DCC: variants seen among roughly 807,000 people sequenced by gnomAD.
DCC encodes DCC netrin 1 receptor.
A neutral mutation model predicts 172.5 loss-of-function variants in DCC; 58 were observed. The ratio of observed to expected loss-of-function variants is 0.34; its 90% confidence interval spans 0.27 to 0.42. The LOEUF is 0.42. Ranked by LOEUF, DCC falls within the 10% of genes least tolerant of loss-of-function variation. DCC has a pLI of 1.00. For synonymous variants in DCC, 709 were observed against 644.5 expected (o/e 1.10, Z -1.52); for missense variants, 1,740 against 1,791.0 (o/e 0.97, Z 0.51).
At chr18:53,496,030 T>C (rs1398585409) in intron 26 of DCC, among the ~76,000 whole-genome samples, 2 of 152,138 alleles carry the variant, frequency 1.3e-5, no homozygotes, top group Non-Finnish European at 1.5e-5. Context: ...TGGGCACAGC[T>C]TCAGCAGACC....
chr18:52,635,044 G>T (rs1047412315), intron 1 of DCC, among the ~76,000 whole-genome samples: 1 of 152,148 alleles, frequency 6.6e-6, no homozygotes, highest in Admixed American at 6.5e-5. Flanking sequence ...CCCTACTGGA[G>T]ATTATATTAT....
At chr18:52,665,478 A>T (rs2035446167) in intron 1 of DCC, among the ~76,000 whole-genome samples, 1 of 152,228 alleles carries the variant, frequency 6.6e-6, no homozygotes, top group African/African-American at 2.4e-5. Context: ...ATTGTGCTGC[A>T]CTAGTTGCCT....
intron 5 of DCC, among the ~76,000 whole-genome samples, chr18:53,035,789 ATAAACCAGTCATTGTAGTGTAT>A (rs1418282313): frequency 1.3e-5 from 2 of 152,070 alleles, no homozygotes; most frequent in African/African-American, 2.4e-5. Flanking sequence ...ATTAGTTTAA[ATAAACCAGTCATTGTAGTGTAT>A]ATTTGATCCA....
intron 7 of DCC, among the ~76,000 whole-genome samples, chr18:53,101,603 G>GCTA (rs1209750301): frequency 6.6e-6 from 1 of 152,094 alleles, no homozygotes; most frequent in African/African-American, 2.4e-5. Flanking sequence ...TTCCCATAAG[G>GCTA]CTACTTAGCC....
At chr18:52,811,626 T>C (rs2038201808) in intron 2 of DCC, among the ~76,000 whole-genome samples, 1 of 152,148 alleles carries the variant, frequency 6.6e-6, no homozygotes, top group Non-Finnish European at 1.5e-5. Context: ...AAGTAAACAA[T>C]TTTAGTACTA....
At chr18:52,469,353 A>G (rs934756385) in intron 1 of DCC, among the ~76,000 whole-genome samples, 3 of 152,216 alleles carry the variant, frequency 2.0e-5, no homozygotes, top group African/African-American at 7.2e-5. Flanking sequence ...GATTACAGGC[A>G]TGAACCACTG....
chr18:53,485,428 C>T (rs578115910), intron 25 of DCC, among the ~76,000 whole-genome samples: 2 of 152,162 alleles, frequency 1.3e-5, no homozygotes, highest in South Asian at 4.1e-4. Flanking sequence ...TCACTTAGAT[C>T]TTCACTAAAG....
chr18:52,990,332 GGAGTTT>G (rs1283520071), intron 5 of DCC, among the ~76,000 whole-genome samples: 3 of 152,044 alleles, frequency 2.0e-5, no homozygotes, highest in African/African-American at 7.2e-5. Flanking sequence ...CCTGAGGTCA[GGAGTTT>G]GAGATCAGCC....
intron 2 of DCC, among the ~76,000 whole-genome samples, chr18:52,845,800 G>A (rs34923505): frequency 0.22 from 33,862 of 152,234 alleles, 4,595 homozygotes; most frequent in Admixed American, 0.31. Context: ...GGTTTAGAAA[G>A]CTCTGCTTCA....
At chr18:52,397,078 G>A (rs1986258446) in intron 1 of DCC, among the ~76,000 whole-genome samples, 2 of 151,968 alleles carry the variant, frequency 1.3e-5, no homozygotes, top group Non-Finnish European at 2.9e-5. Context: ...CTCAATGAAT[G>A]GGGATGATCA....
intron 1 of DCC, among the ~76,000 whole-genome samples, chr18:52,696,854 G>A (rs1037192318): frequency 3.3e-5 from 5 of 151,710 alleles, no homozygotes; most frequent in African/African-American, 1.2e-4. Flanking sequence ...TGGATCCACA[G>A]TTGTCAACAC....
At position 53,134,228 on chromosome 18, in the gene DCC, T is replaced by C. The variant is rs192585153; in HGVS notation, c.1262-23128T>C. On this transcript the variant is annotated intron_variant, in intron 7 of 28. Coordinates refer to ENST00000442544, the MANE Select transcript of DCC (RefSeq NM_005215.4). ...ACAAGGCAAAGGTATGTTAAATATC[T>C]TTCTGGAGAGTCAATCCTGATAAAG... Among the ~76,000 whole-genome samples, 858 of 152,328 alleles carry C rather than the reference T, an allele frequency of 5.6e-3. 6 individuals carry two copies. The highest frequency in any genetic ancestry group is 0.023 in the Admixed American group (352 of 15,298).
chr18:53,467,911 G>A lies in DCC; in HGVS notation c.3637G>A (p.Ala1213Thr). The part of the protein sequence containing the change: ...TSHSGQDTEE[A>T]GSSMSTLERS... The stretch of plus-strand genomic sequence containing the variant: ...TTTTTTAGGTCAAGACACTGAGGAA[G>A]CAGGGAGCTCTATGTCCACTCTGGA... Residue 1213 changes from alanine (A) to threonine (T), a missense_variant, in exon 25 of 29, where the codon GCA becomes ACA. Physicochemically the swap from Ala to Thr is moderately conservative, Grantham distance 58. Transcript: ENST00000442544. The A allele has an allele frequency of 6.2e-7, 1 of 1,603,378 alleles. No homozygotes were observed. Among genetic ancestry groups the A allele is most frequent in the Non-Finnish European group, 8.5e-7 (1 of 1,170,276 alleles).
chr18:52,373,646 GCTCT>G (rs141648623), intron 1 of DCC, among the ~76,000 whole-genome samples: 53 of 150,230 alleles, frequency 3.5e-4, no homozygotes, highest in African/African-American at 1.1e-3. Flanking sequence ...GAAGGTTAGA[GCTCT>G]CTCTCTCTCT....
At chr18:52,519,124 C>G (rs895082580) in intron 1 of DCC, among the ~76,000 whole-genome samples, 2 of 152,208 alleles carry the variant, frequency 1.3e-5, no homozygotes, top group African/African-American at 4.8e-5. Flanking sequence ...TATTTATTAG[C>G]TCTGCATGCC....
At chr18:53,420,272 G>A (rs1368784164) in intron 21 of DCC, among the ~76,000 whole-genome samples, 1 of 152,162 alleles carries the variant, frequency 6.6e-6, no homozygotes, top group Non-Finnish European at 1.5e-5. Flanking sequence ...TTTGTTTGCT[G>A]TTATTTGTCC....
rs764742781 is a variant in DCC, at chr18:52,645,070, TC to T, written c.92-106980del. ...CATTTGTTTTTGTAAGAAGCGGATT[TC>T]CCCATTGATTTTGCATTTACATTGA... On this transcript the variant is annotated intron_variant, in intron 1 of 28. Transcript: ENST00000442544. Among the ~76,000 whole-genome samples the T allele has an allele frequency of 5.8e-4, 89 of 152,166 alleles. 1 individual carries two copies. The highest frequency in any genetic ancestry group is 8.8e-4 in the Non-Finnish European group (60 of 68,026).
chr18:53,382,068 C>T (rs1907789299), intron 15 of DCC, among the ~76,000 whole-genome samples: 1 of 64,906 alleles, frequency 1.5e-5, no homozygotes, highest in Non-Finnish European at 3.1e-5. Flanking sequence ...TGATTAAAAA[C>T]AACACACACA....
chr18:52,671,041 A>T (rs2035542784), intron 1 of DCC, among the ~76,000 whole-genome samples: 1 of 152,098 alleles, frequency 6.6e-6, no homozygotes, highest in South Asian at 2.1e-4. Context: ...TCATGTTGTC[A>T]TTGGAAGCAG....
Sources: allele counts gnomAD v4.1 joint callset (sites outside exome capture counted in the v4.1 genomes callset), GRCh38; gene constraint gnomAD v4.1.1; transcripts MANE v1.5; gene names NCBI Gene and HGNC (gene_info 2026-07-23, HGNC 2026-07-21).